ZNF385D: variants seen among roughly 807,000 people sequenced by gnomAD.
The protein encoded by ZNF385D is zinc finger protein 659.
ZNF385D carries 15 observed loss-of-function variants against 35.8 expected under a neutral mutation model. The ratio of observed to expected loss-of-function variants is 0.42; its 90% CI spans 0.28 to 0.64. The LOEUF is 0.64. Ranked by LOEUF, ZNF385D falls within the 30% of genes least tolerant of loss-of-function variation. The pLI is 0.23. For missense variants in ZNF385D, 474 were observed against 494.6 expected (o/e 0.96, Z 0.39); for synonymous variants, 212 against 186.8 (o/e 1.13, Z -1.10).
intron 2 of ZNF385D, among the ~76,000 whole-genome samples, chr3:22,362,107 G>A (rs959217128): frequency 1.3e-5 from 2 of 151,544 alleles, no homozygotes; most frequent in African/African-American, 4.8e-5. Flanking sequence ...TAAAACTTCT[G>A]AATTATGGAA....
intron 3 of ZNF385D, among the ~76,000 whole-genome samples, chr3:21,947,343 C>CAAGTTATT (rs1701841519): frequency 7.8e-6 from 1 of 128,294 alleles, no homozygotes; most frequent in Non-Finnish European, 1.6e-5. Flanking sequence ...ATGTATTTTA[C>CAAGTTATT]TAGTTATTTA....
intron 3 of ZNF385D, among the ~76,000 whole-genome samples, chr3:21,946,440 TAAA>T (rs1395850554): frequency 6.8e-6 from 1 of 146,260 alleles, no homozygotes. Context: ...ATTTTAAAGA[TAAA>T]AAGTTTTTGA....
chr3:22,368,473 T>C (rs530340244), intron 2 of ZNF385D, among the ~76,000 whole-genome samples: 8 of 152,298 alleles, frequency 5.3e-5, no homozygotes, highest in Non-Finnish European at 1.2e-4. Flanking sequence ...ATGGGAAGTG[T>C]CTTAATCAGT....
chr3:22,112,708 C>T (rs1702597017), intron 3 of ZNF385D, among the ~76,000 whole-genome samples: 1 of 152,036 alleles, frequency 6.6e-6, no homozygotes, highest in Non-Finnish European at 1.5e-5. Flanking sequence ...GAAAGCTACA[C>T]ATAGAAGATG....
chr3:22,255,181 A>G (rs1220859454), intron 2 of ZNF385D, among the ~76,000 whole-genome samples: 2 of 151,552 alleles, frequency 1.3e-5, no homozygotes, highest in East Asian at 1.9e-4. Context: ...AATGCTCATA[A>G]GAAAAAAAAA....
chr3:22,048,560 C>T (rs1011723585), intron 3 of ZNF385D, among the ~76,000 whole-genome samples: 1 of 152,166 alleles, frequency 6.6e-6, no homozygotes, highest in Non-Finnish European at 1.5e-5. Flanking sequence ...ACAACAAATA[C>T]ATGAATTTAT....
At chr3:22,358,968 C>A (rs749380510) in intron 2 of ZNF385D, among the ~76,000 whole-genome samples, 8 of 150,490 alleles carry the variant, frequency 5.3e-5, no homozygotes, top group East Asian at 2.0e-4. Flanking sequence ...TAGCCAGGCC[C>A]AGTACCAAGG....
At chr3:22,013,505 T>C (rs1395091724) in intron 3 of ZNF385D, among the ~76,000 whole-genome samples, 3 of 152,136 alleles carry the variant, frequency 2.0e-5, no homozygotes, top group Admixed American at 2.0e-4. Flanking sequence ...ATGTTTGATA[T>C]TTCGGTTGGT....
intron 4 of ZNF385D, among the ~76,000 whole-genome samples, chr3:21,487,692 A>G (rs73046473): frequency 0.01 from 1,593 of 152,234 alleles, 20 homozygotes; most frequent in Non-Finnish European, 0.017. Flanking sequence ...CATGCTTAGC[A>G]CTCAGGATCA....
intron 2 of ZNF385D, among the ~76,000 whole-genome samples, chr3:22,239,833 C>T (rs1002351197): frequency 1.3e-5 from 2 of 150,600 alleles, no homozygotes; most frequent in African/African-American, 4.9e-5. Flanking sequence ...GAATAAGTGA[C>T]ATGTCTTCAT....
intron 1 of ZNF385D, among the ~76,000 whole-genome samples, chr3:21,738,604 T>A (rs1404580698): frequency 6.6e-6 from 1 of 152,164 alleles, no homozygotes; most frequent in Non-Finnish European, 1.5e-5. Context: ...CATCCCTATC[T>A]CAGGACCTGG....
At chr3:21,766,679 G>A (rs1202694690) in intron 3 of ZNF385D, among the ~76,000 whole-genome samples, 1 of 152,040 alleles carries the variant, frequency 6.6e-6, no homozygotes, top group Non-Finnish European at 1.5e-5. Context: ...AGATAAATAA[G>A]GAAGGTCAAG....
intron 2 of ZNF385D, among the ~76,000 whole-genome samples, chr3:22,195,599 G>C (rs899870357): frequency 6.6e-6 from 1 of 151,842 alleles, no homozygotes; most frequent in African/African-American, 2.4e-5. Flanking sequence ...GTGACTTACA[G>C]GTTTTTATTT....
At chr3:21,444,099 A>C (rs1308138798) in intron 4 of ZNF385D, among the ~76,000 whole-genome samples, 1 of 84,732 alleles carries the variant, frequency 1.2e-5, no homozygotes, top group Non-Finnish European at 2.1e-5. Flanking sequence ...TTTTTTTTTG[A>C]GACAGAGTCT....
intron 2 of ZNF385D, among the ~76,000 whole-genome samples, chr3:22,181,802 G>C (rs1229460839): frequency 4.6e-5 from 7 of 151,852 alleles, no homozygotes; most frequent in Non-Finnish European, 8.8e-5. Flanking sequence ...TCCTTCACTA[G>C]CTTTAAAGAA....
At chr3:21,745,830 T>C (rs2069741984) in intron 1 of ZNF385D, among the ~76,000 whole-genome samples, 1 of 152,218 alleles carries the variant, frequency 6.6e-6, no homozygotes. Context: ...GGAAAAGCTT[T>C]GAAAATGATC....
intron 3 of ZNF385D, among the ~76,000 whole-genome samples, chr3:22,008,783 G>GTAT: frequency 6.6e-6 from 1 of 152,300 alleles, no homozygotes; most frequent in South Asian, 2.1e-4. Flanking sequence ...ATAGAGAAAT[G>GTAT]TATAGAACCA....
chr3:21,847,143 T>C (rs1052735384), intron 3 of ZNF385D, among the ~76,000 whole-genome samples: 2 of 152,100 alleles, frequency 1.3e-5, no homozygotes, highest in African/African-American at 4.8e-5. Flanking sequence ...TAAAGCAATT[T>C]TTCAGCAGTA....
intron 3 of ZNF385D, among the ~76,000 whole-genome samples, chr3:21,859,861 G>C (rs943491847): frequency 6.7e-6 from 1 of 150,310 alleles, no homozygotes. Context: ...TGTATTCAAA[G>C]GCTCAGATCT....
Sources: gnomAD v4.1 joint callset for allele counts (sites outside exome capture counted in the v4.1 genomes callset) on GRCh38, gnomAD v4.1.1 for gene constraint, MANE v1.5 for transcripts, NCBI Gene and HGNC (gene_info 2026-07-23, HGNC 2026-07-21) for gene names.